Variants in EIF2AK2 observed in about 807,000 individuals in gnomAD.
The protein encoded by EIF2AK2 is eukaryotic translation initiation factor 2 alpha kinase 2, also known as interferon-induced, double-stranded RNA-activated protein kinase.
Under a neutral mutation model 70.5 loss-of-function variants are expected in EIF2AK2, and 40 were observed. That is an observed-to-expected ratio of 0.57 (90% confidence interval 0.44 to 0.74). The LOEUF is 0.74. Among genes scored for constraint, EIF2AK2 ranks in the 30% least tolerant of loss-of-function variants. EIF2AK2 has a pLI of 0.00. For missense variants in EIF2AK2, 555 were observed against 644.3 expected (o/e 0.86, Z 1.50); for synonymous variants, 198 against 220.9 (o/e 0.90, Z 0.92).
chr2:37,147,704 G>T lies in EIF2AK2; in HGVS notation c.103C>A (p.Pro35Thr). ...LKYQELPNSG[P>T]PHDRRFTFQV... The stretch of plus-strand genomic sequence containing the variant: ...GCAACCTACCTCCTATCATGTGGAG[G>T]TCCTGAATTAGGCAGTTCTTGATAT... Residue 35 changes from proline to threonine, a missense_variant, in exon 3 of 17, where the codon CCT (proline) becomes ACT (threonine). This residue lies in a region of EIF2AK2 where 48 missense variants were observed against 77.1 expected (regional missense o/e 0.62). Coordinates refer to ENST00000233057, the MANE Select transcript of EIF2AK2 (RefSeq NM_001135651.3). 1 of 1,611,378 alleles carries T rather than the reference G, an allele frequency of 6.2e-7. No homozygotes were observed. The highest frequency in any genetic ancestry group is 8.5e-7 in the Non-Finnish European group (1 of 1,177,998).
intron 10 of EIF2AK2, among the ~76,000 whole-genome samples, chr2:37,133,065 C>T (rs1344697970): frequency 2.0e-5 from 3 of 152,122 alleles, no homozygotes; most frequent in Admixed American, 6.5e-5. Context: ...ACAAGCCCTA[C>T]GAATCACCTG....
intron 13 of EIF2AK2, among the ~76,000 whole-genome samples, chr2:37,118,141 T>C (rs1362952201): frequency 6.6e-6 from 1 of 150,468 alleles, no homozygotes; most frequent in African/African-American, 2.4e-5. Context: ...AGACCCTGTC[T>C]CTACAAAAAA....
In EIF2AK2 at chr2:37,141,636, T is replaced by C. The variant is rs1266002809; in HGVS notation, c.306A>G (p.Ile102Met). The C allele has an allele frequency of 6.2e-7, 1 of 1,614,154 alleles. No individual in the cohort carries two copies. Among genetic ancestry groups the C allele is most frequent in the Admixed American group, 1.7e-5 (1 of 60,020 alleles). ...TCTGGGCAATTCTATTGATAAGGCC[T>C]ATGTAATTCCCCATGGATAATCCTT... ...SSEGLSMGNY[I>M]GLINRIAQKK... is the part of the protein sequence containing the mutation. Residue 102 changes from isoleucine to methionine, a missense_variant, in exon 5 of 17, where the codon ATA becomes ATG. Transcript: ENST00000233057.
In EIF2AK2 at chr2:37,120,362, A is replaced by G. The variant is rs550989260; in HGVS notation, c.1068-223T>C. Among the ~76,000 whole-genome samples, 11 of 151,504 alleles carry G rather than the reference A, an allele frequency of 7.3e-5. No individual in the cohort carries two copies. In the East Asian group the frequency reaches 7.8e-4, roughly 11 times the overall value. ...CTACTAAAAATACAAAAAATTAGCC[A>G]GGCGTGGTGGCGGGCGCCTGTAGTC... On this transcript the variant is annotated intron_variant, in intron 12 of 16. Transcript: ENST00000233057.
In EIF2AK2 at chr2:37,139,613, T is replaced by A; in HGVS notation, c.516+18A>T. ...GGAATTTTAAAACATAAAAATTTAA[T>A]CCAAAGGCAATACGTACCACTGAGG... On this transcript the variant is annotated intron_variant, in intron 6 of 16. Coordinates refer to ENST00000233057, the MANE Select transcript of EIF2AK2 (RefSeq NM_001135651.3). 2 of 1,602,632 alleles carry A rather than the reference T, an allele frequency of 1.2e-6. No homozygotes were observed. The highest frequency in any genetic ancestry group is 1.7e-6 in the Non-Finnish European group (2 of 1,177,260).
Position 37,105,236 on chromosome 2 carries a change from C to T in EIF2AK2, c.*2037G>A, listed in dbSNP as rs1673924771. On this transcript the variant is annotated 3_prime_UTR_variant, in exon 17 of 17. Coordinates refer to ENST00000233057, the MANE Select transcript of EIF2AK2 (RefSeq NM_001135651.3). ...TGCTGCTATAGTTTGCATGTTTGTCCCCCAAAATCTCATGTTGAAATTTGA... is the reference window on the plus strand; with the variant it reads ...TGCTGCTATAGTTTGCATGTTTGTCTCCCAAAATCTCATGTTGAAATTTGA... 6.6e-6 allele frequency: 1 copy of T among 152,006 alleles called. No individual in the cohort carries two copies. Among genetic ancestry groups the T allele is most frequent in the Non-Finnish European group, 1.5e-5 (1 of 68,026 alleles). The allele number at this position is 152,006 out of a possible 1,614,324, so 9.4% of individuals were successfully genotyped here.
chr2:37,137,053 A>C (rs1487258327), intron 8 of EIF2AK2, 36 bp from the exon 9 acceptor site: 1 of 1,562,798 alleles, frequency 6.4e-7, no homozygotes, highest in African/African-American at 1.4e-5. Flanking sequence ...GTTTCAGATG[A>C]CTAAATCAGT....
chr2:37,135,595 T>C, intron 9 of EIF2AK2, 49 bp from the exon 10 acceptor site: 1 of 1,507,256 alleles, frequency 6.6e-7, no homozygotes, highest in Non-Finnish European at 9.1e-7. Context: ...TGAAATCAAA[T>C]ATAACTTATT....
chr2:37,109,466 T>C, intron 14 of EIF2AK2, 171 bp from the exon 15 acceptor site: 1 of 565,014 alleles, frequency 1.8e-6, no homozygotes, highest in Non-Finnish European at 3.2e-6. Flanking sequence ...TACCGCCGAA[T>C]AGCTGAATCC....
chr2:37,135,787 T>A (rs1573024659), intron 9 of EIF2AK2, among the ~76,000 whole-genome samples: 1 of 152,080 alleles, frequency 6.6e-6, no homozygotes, highest in East Asian at 1.9e-4. Flanking sequence ...TGTGCCACCA[T>A]ACCTGGCTAA....
At chr2:37,120,459 A>T (rs534550952) in intron 12 of EIF2AK2, among the ~76,000 whole-genome samples, 23 of 140,308 alleles carry the variant, frequency 1.6e-4, no homozygotes, top group African/African-American at 5.7e-4. Context: ...GTGAGCCGAG[A>T]TCACGCCACT....
At chr2:37,127,591 C>T (rs1674787247) in intron 10 of EIF2AK2, among the ~76,000 whole-genome samples, 1 of 152,060 alleles carries the variant, frequency 6.6e-6, no homozygotes, top group South Asian at 2.1e-4. Context: ...TACGCCCTTC[C>T]TTCCACCTAG....
At chr2:37,129,863 T>C (rs1428660889) in intron 10 of EIF2AK2, among the ~76,000 whole-genome samples, 2 of 152,138 alleles carry the variant, frequency 1.3e-5, no homozygotes, top group Non-Finnish European at 1.5e-5. Context: ...TTTATTATCA[T>C]CTCAAGAACA....
chr2:37,100,700 T>C lies in EIF2AK2; in HGVS notation c.*6573A>G, dbSNP rs963198970. 6.6e-6 allele frequency: 1 copy of C among 152,164 alleles called. No individual in the cohort carries two copies. The allele number at this position is 152,164 out of a possible 1,614,324, so 9.4% of individuals were successfully genotyped here. On this transcript the variant is annotated 3_prime_UTR_variant, in exon 17 of 17. Coordinates refer to ENST00000233057, the MANE Select transcript of EIF2AK2 (RefSeq NM_001135651.3). ...AAGAGTTAACATTTCAGTGGAGACCTTTCCTATCTTGTATTTCCTACAGTC... is the reference window on the plus strand; with the variant it reads ...AAGAGTTAACATTTCAGTGGAGACCCTTCCTATCTTGTATTTCCTACAGTC...
At chr2:37,115,942 G>A (rs1674326273) in intron 13 of EIF2AK2, among the ~76,000 whole-genome samples, 1 of 152,036 alleles carries the variant, frequency 6.6e-6, no homozygotes, top group Admixed American at 6.6e-5. Context: ...TGTCACCCAG[G>A]ATGGAGTGTA....
chr2:37,121,083 G>A (rs1306520797), intron 12 of EIF2AK2, among the ~76,000 whole-genome samples: 2 of 148,778 alleles, frequency 1.3e-5, no homozygotes, highest in Non-Finnish European at 1.5e-5. Flanking sequence ...CTAACACGGT[G>A]AAATCCCGTC....
chr2:37,144,699 G>C (rs560864917), intron 4 of EIF2AK2, among the ~76,000 whole-genome samples: 83 of 151,184 alleles, frequency 5.5e-4, no homozygotes, highest in African/African-American at 2.0e-3. Context: ...CTCCCGCCTA[G>C]CCTCCTGAGT....
chr2:37,149,695 G>C (rs577830349), intron 1 of EIF2AK2, among the ~76,000 whole-genome samples: 1 of 152,282 alleles, frequency 6.6e-6, no homozygotes, highest in East Asian at 1.9e-4. Flanking sequence ...GTATAACTCT[G>C]AGTAATTACA....
chr2:37,111,716 G>T (rs190224518), intron 14 of EIF2AK2, among the ~76,000 whole-genome samples: 4 of 82,258 alleles, frequency 4.9e-5, no homozygotes, highest in Admixed American at 1.7e-4. Context: ...AAATTAGCCA[G>T]GTGTTGGTGG....
Sources: allele counts gnomAD v4.1 joint callset (sites outside exome capture counted in the v4.1 genomes callset), GRCh38; gene constraint gnomAD v4.1.1; regional missense constraint gnomAD v4.1.1; transcripts MANE v1.5; gene names NCBI Gene and HGNC (gene_info 2026-07-23, HGNC 2026-07-21).